Variants in TNKS observed in about 807,000 individuals in gnomAD.
TNKS encodes the protein poly [ADP-ribose] polymerase tankyrase-1.
A neutral mutation model predicts 135.8 loss-of-function variants in TNKS; 72 were observed. That is an observed-to-expected ratio of 0.53 (90% CI 0.44 to 0.64). The LOEUF (loss-of-function observed/expected upper bound fraction) is 0.64. Ranked by LOEUF, TNKS falls within the 30% of genes least tolerant of loss-of-function variation. The pLI, the probability that TNKS is intolerant of heterozygous loss-of-function variation, is 0.00. For synonymous variants in TNKS, 849 were observed against 649.3 expected, an observed-to-expected ratio of 1.31 and a Z score of -4.68; for missense variants, 1,769 against 1,674.0, an observed-to-expected ratio of 1.06 and a Z score of -0.99.
chr8:9,633,704 C>T (rs564268979), intron 3 of TNKS, among the ~76,000 whole-genome samples: 1 of 152,250 alleles, frequency 6.6e-6, no homozygotes, highest in South Asian at 2.1e-4. Flanking sequence ...ATCACTTGCT[C>T]CGGAAGCAGC....
At chr8:9,561,798 A>T (rs1014583730) in intron 1 of TNKS, among the ~76,000 whole-genome samples, 3 of 152,034 alleles carry the variant, frequency 2.0e-5, no homozygotes, top group Non-Finnish European at 2.9e-5. Context: ...AAGTATATGT[A>T]CCATTTTACA....
At chr8:9,580,427 T>C (rs1473653750) in intron 2 of TNKS, 44 bp downstream of exon 2, 7 of 1,565,568 alleles carry the variant, frequency 4.5e-6, no homozygotes, top group Non-Finnish European at 5.2e-6. Flanking sequence ...TAAAGGTTTA[T>C]TCTTACTTTT....
intron 2 of TNKS, among the ~76,000 whole-genome samples, chr8:9,586,722 C>CGTGTGT (rs5889287): frequency 0.013 from 1,826 of 143,278 alleles, 27 homozygotes; most frequent in Middle Eastern, 0.054. Context: ...ATATCTAAAA[C>CGTGTGT]GTGTGTGTGT....
intron 5 of TNKS, among the ~76,000 whole-genome samples, chr8:9,687,338 G>T (rs1803049190): frequency 6.6e-6 from 1 of 152,176 alleles, no homozygotes; most frequent in Non-Finnish European, 1.5e-5. Flanking sequence ...CTTCTTCGGA[G>T]TACGTCTTGC....
At position 9,751,795 on chromosome 8, in the gene TNKS, G is replaced by T. The variant is rs771378053; in HGVS notation, c.3019G>T (p.Ala1007Ser). Residue 1007 changes from alanine (A) to serine (S), a missense_variant, in exon 19 of 27, where the codon GCC becomes TCC. By Grantham distance (99) the Ala-to-Ser change is moderately conservative (BLOSUM62 1). Around this residue, in one of 5 missense-constraint regions of TNKS, gnomAD observed 722 missense variants for 688.9 expected, o/e 1.05. Transcript: ENST00000310430. ...TTTAGCAGAGTTGGCCGTAGGAGGAGCCTCCAATGCAGGGGATGGCGCCGC... is the reference window on the plus strand; with the variant it reads ...TTTAGCAGAGTTGGCCGTAGGAGGATCCTCCAATGCAGGGGATGGCGCCGC... Reference protein sequence around the residue: ...GPLAELAVGGASNAGDGAAGT... With the variant: ...GPLAELAVGGSSNAGDGAAGT... The T allele has an allele frequency of 5.6e-6, 9 of 1,614,080 alleles. No homozygotes were observed. The African/African-American group carries it at 6.7e-5, about 12-fold the overall frequency.
chr8:9,698,132 A>G (rs1387188440), intron 5 of TNKS, among the ~76,000 whole-genome samples: 1 of 152,174 alleles, frequency 6.6e-6, no homozygotes, highest in Non-Finnish European at 1.5e-5. Flanking sequence ...CCATTAACCT[A>G]AACGAATTAA....
At chr8:9,666,226 AAT>A (rs1321095705) in intron 3 of TNKS, among the ~76,000 whole-genome samples, 1 of 152,200 alleles carries the variant, frequency 6.6e-6, no homozygotes, top group Non-Finnish European at 1.5e-5. Context: ...TTGAAATGGT[AAT>A]ATTGTGGATA....
chr8:9,761,158 C>T (rs759720686), intron 20 of TNKS, among the ~76,000 whole-genome samples: 1 of 152,198 alleles, frequency 6.6e-6, no homozygotes, highest in Non-Finnish European at 1.5e-5. Flanking sequence ...ATACTAGGAT[C>T]TGGTGTTTTC....
intron 3 of TNKS, among the ~76,000 whole-genome samples, chr8:9,667,259 A>G (rs1268046831): frequency 5.3e-5 from 8 of 152,248 alleles, no homozygotes; most frequent in Admixed American, 1.3e-4. Context: ...CAGTATGCCA[A>G]TATGATCTCT....
chr8:9,684,568 A>G (rs1048526637), intron 5 of TNKS, among the ~76,000 whole-genome samples: 2 of 152,102 alleles, frequency 1.3e-5, no homozygotes, highest in African/African-American at 4.8e-5. Flanking sequence ...TATTGCACAT[A>G]TTTCCAAATA....
intron 1 of TNKS, chr8:9,575,077 T>G: frequency 4.1e-6 from 4 of 985,004 alleles, no homozygotes; most frequent in Non-Finnish European, 4.8e-6. Flanking sequence ...GACAAGTGAA[T>G]CTCTCCATTA....
chr8:9,707,103 A>T (rs578039948), intron 8 of TNKS, 106 bp downstream of exon 8: 8 of 940,754 alleles, frequency 8.5e-6, no homozygotes, highest in African/African-American at 8.5e-5. Context: ...CAAGCAGACT[A>T]ATTCATAATC....
chr8:9,709,475 A>AT (rs1467053532), intron 9 of TNKS, among the ~76,000 whole-genome samples: 3 of 152,224 alleles, frequency 2.0e-5, no homozygotes, highest in Middle Eastern at 3.4e-3. Flanking sequence ...TTCTGAGAAT[A>AT]TTTTTCTCTA....
intron 5 of TNKS, among the ~76,000 whole-genome samples, chr8:9,684,476 A>G (rs1177354155): frequency 6.6e-6 from 1 of 152,008 alleles, no homozygotes; most frequent in Admixed American, 6.6e-5. Context: ...CTCCTTTTCT[A>G]GGTGTCTTTA....
intron 1 of TNKS, among the ~76,000 whole-genome samples, chr8:9,570,676 C>G (rs1282071292): frequency 1.3e-5 from 2 of 152,208 alleles, no homozygotes; most frequent in Non-Finnish European, 1.5e-5. Flanking sequence ...ACTCAGATGT[C>G]CCTTGTAGAT....
intron 2 of TNKS, among the ~76,000 whole-genome samples, chr8:9,607,838 A>AG (rs1491472049): frequency 6.6e-6 from 1 of 152,182 alleles, no homozygotes; most frequent in African/African-American, 2.4e-5. Context: ...CTGCTTTGTC[A>AG]GGGGCATTCT....
intron 17 of TNKS, chr8:9,741,864 C>A (rs760972067): frequency 1.1e-4 from 30 of 278,866 alleles, no homozygotes; most frequent in Non-Finnish European, 2.0e-4. Flanking sequence ...TCCACTCTTT[C>A]ATTTTCATAA....
At chr8:9,707,972 T>G (rs540221913) in intron 8 of TNKS, among the ~76,000 whole-genome samples, 1 of 152,340 alleles carries the variant, frequency 6.6e-6, no homozygotes, top group East Asian at 1.9e-4. Flanking sequence ...TTTTTGAATT[T>G]TCATGTACCA....
At chr8:9,698,687 A>T (rs1300399709) in intron 5 of TNKS, among the ~76,000 whole-genome samples, 1 of 152,222 alleles carries the variant, frequency 6.6e-6, no homozygotes, top group Non-Finnish European at 1.5e-5. Flanking sequence ...CTTACGTTGA[A>T]GCCACAGCTT....
Sources: allele counts gnomAD v4.1 joint callset (sites outside exome capture counted in the v4.1 genomes callset), GRCh38; gene constraint gnomAD v4.1.1; regional missense constraint gnomAD v4.1.1; transcripts MANE v1.5; gene names NCBI Gene and HGNC (gene_info 2026-07-23, HGNC 2026-07-21).